Variants in ATP2B2 observed in about 807,000 individuals in gnomAD.
ATP2B2 encodes ATPase plasma membrane Ca2+ transporting 2.
Under a neutral mutation model 120.0 loss-of-function variants are expected in ATP2B2, and 15 were observed. The ratio of observed to expected loss-of-function variants is 0.12; its 90% CI spans 0.08 to 0.19. ATP2B2 has a LOEUF of 0.19. ATP2B2 is among the 10% of genes least tolerant of loss of function. ATP2B2 has a pLI of 1.00. For missense variants in ATP2B2, 1,045 were observed against 1,719.8 expected (o/e 0.61, Z 6.94); for synonymous variants, 694 against 700.3 (o/e 0.99, Z 0.14).
intron 1 of ATP2B2, among the ~76,000 whole-genome samples, chr3:10,650,786 G>A (rs1328197339): frequency 6.6e-6 from 1 of 152,224 alleles, no homozygotes; most frequent in African/African-American, 2.4e-5. Context: ...ACCTGGAAAA[G>A]CCACAGACAC....
At chr3:10,519,029 C>T (rs558146917) in intron 3 of ATP2B2, among the ~76,000 whole-genome samples, 59 of 152,386 alleles carry the variant, frequency 3.9e-4, no homozygotes, top group African/African-American at 1.3e-3. Context: ...TGTCTAAACA[C>T]TTGGCACATT....
intron 2 of ATP2B2, among the ~76,000 whole-genome samples, chr3:10,430,083 A>G (rs183007930): frequency 2.4e-4 from 37 of 152,374 alleles, no homozygotes; most frequent in African/African-American, 8.7e-4. Flanking sequence ...AAAGTGCCAC[A>G]GAAGTGATTC....
intron 1 of ATP2B2, among the ~76,000 whole-genome samples, chr3:10,679,319 T>A (rs1334409813): frequency 1.3e-5 from 2 of 152,216 alleles, no homozygotes; most frequent in African/African-American, 4.8e-5. Context: ...ATCACAGGAA[T>A]GTTTATGAGA....
intron 1 of ATP2B2, among the ~76,000 whole-genome samples, chr3:10,490,026 G>A (rs937093572): frequency 6.6e-6 from 1 of 152,216 alleles, no homozygotes; most frequent in Non-Finnish European, 1.5e-5. Context: ...CTGGTCCCCT[G>A]TTTTTCCAGC....
chr3:10,705,582 C>CA lies in ATP2B2; in HGVS notation c.-460+2332dup, dbSNP rs2071883546. 1.3e-5 allele frequency among the ~76,000 whole-genome samples: 2 copies of CA among 152,236 alleles called. 1 individual carries two copies. The highest frequency in any genetic ancestry group is 4.1e-4 in the South Asian group (2 of 4,832). The stretch of plus-strand genomic sequence containing the variant: ...GTGCAAGCACTTGGACTCTGGGTCT[C>CA]ACCCATTTCTAGGGAAGCATGGTAG... On this transcript the variant is annotated intron_variant, in intron 1 of 21. Coordinates refer to the ATP2B2 transcript ENST00000646379.
intron 2 of ATP2B2, among the ~76,000 whole-genome samples, chr3:10,617,187 C>G (rs2069413034): frequency 6.6e-6 from 1 of 152,130 alleles, no homozygotes; most frequent in Non-Finnish European, 1.5e-5. Context: ...GGGTTATTTC[C>G]TCAGGGCAAA....
chr3:10,560,110 G>C (rs888147636), intron 2 of ATP2B2, among the ~76,000 whole-genome samples: 7 of 152,348 alleles, frequency 4.6e-5, no homozygotes, highest in South Asian at 4.1e-4. Flanking sequence ...TTCACAAAAA[G>C]AAGTAGAAAC....
chr3:10,653,894 C>T (rs971261431), intron 1 of ATP2B2, among the ~76,000 whole-genome samples: 2 of 152,126 alleles, frequency 1.3e-5, no homozygotes, highest in Admixed American at 1.3e-4. Flanking sequence ...CCTCTCCTTT[C>T]TCTACTCAAC....
At chr3:10,469,492 G>A (rs922471879) in intron 1 of ATP2B2, among the ~76,000 whole-genome samples, 2 of 152,182 alleles carry the variant, frequency 1.3e-5, no homozygotes, top group South Asian at 2.1e-4. Flanking sequence ...TTTGTTAAGC[G>A]TGGCTCAGGG....
intron 1 of ATP2B2, among the ~76,000 whole-genome samples, chr3:10,452,692 G>A (rs568803941): frequency 1.3e-5 from 2 of 152,292 alleles, no homozygotes; most frequent in East Asian, 3.9e-4. Context: ...GATGCTGGGG[G>A]AAGGCTGAAC....
chr3:10,683,586 T>C (rs1354872516), intron 1 of ATP2B2, among the ~76,000 whole-genome samples: 1 of 151,786 alleles, frequency 6.6e-6, no homozygotes, highest in Non-Finnish European at 1.5e-5. Flanking sequence ...AAACTATCAC[T>C]GCCAGCACCA....
chr3:10,669,336 C>G (rs918814129), intron 1 of ATP2B2, among the ~76,000 whole-genome samples: 1 of 152,130 alleles, frequency 6.6e-6, no homozygotes, highest in African/African-American at 2.4e-5. Context: ...CCGCCCAACA[C>G]AGTCTCCTGG....
At chr3:10,585,277 C>T (rs1170229340) in intron 2 of ATP2B2, among the ~76,000 whole-genome samples, 3 of 151,862 alleles carry the variant, frequency 2.0e-5, no homozygotes, top group Admixed American at 6.6e-5. Flanking sequence ...TGGAGGATCA[C>T]GAGGTCAGGA....
In ATP2B2 at chr3:10,338,369, C is replaced by A; in HGVS notation, c.3238-11G>T. On this transcript the variant is annotated splice_polypyrimidine_tract_variant and intron_variant, in intron 21 of 22. Transcript: ENST00000360273. Reference sequence around the variant, plus strand: ...GATGGTGGCGATGACCTGCAAGGGACCCTGTCTGTCAGGACGGTGGGGCTG... The same window carrying A: ...GATGGTGGCGATGACCTGCAAGGGAACCTGTCTGTCAGGACGGTGGGGCTG... 1.2e-6 allele frequency: 2 copies of A among 1,614,122 alleles called. No individual in the cohort carries two copies. Among genetic ancestry groups the A allele is most frequent in the South Asian group, 2.2e-5 (2 of 91,078 alleles).
At chr3:10,518,686 C>T (rs1403278010) in intron 3 of ATP2B2, among the ~76,000 whole-genome samples, 8 of 152,244 alleles carry the variant, frequency 5.3e-5, no homozygotes, top group Non-Finnish European at 2.9e-5. Context: ...CCTCGCCTCG[C>T]GTATTTATAG....
At chr3:10,496,017 T>C (rs1217286391) in intron 1 of ATP2B2, among the ~76,000 whole-genome samples, 2 of 152,220 alleles carry the variant, frequency 1.3e-5, no homozygotes, top group African/African-American at 2.4e-5. Flanking sequence ...ACTTAGCTAA[T>C]ACTGGTTTTA....
intron 2 of ATP2B2, among the ~76,000 whole-genome samples, chr3:10,597,581 C>T (rs918773324): frequency 6.6e-6 from 1 of 152,178 alleles, no homozygotes; most frequent in Non-Finnish European, 1.5e-5. Flanking sequence ...CAAGTGCCCC[C>T]TCACCCCTAT....
At chr3:10,566,255 G>A (rs1046093547) in intron 2 of ATP2B2, 1 of 152,230 alleles carries the variant, frequency 6.6e-6, no homozygotes, top group Admixed American at 6.5e-5. Context: ...GAGACCCGGG[G>A]TAAGAGCTGA....
chr3:10,559,908 C>T (rs1559458726), intron 2 of ATP2B2, among the ~76,000 whole-genome samples: 1 of 152,176 alleles, frequency 6.6e-6, no homozygotes, highest in Non-Finnish European at 1.5e-5. Context: ...GCTAGCTGAA[C>T]ACTCTTTCAA....
Sources: allele counts gnomAD v4.1 joint callset (sites outside exome capture counted in the v4.1 genomes callset), GRCh38; gene constraint gnomAD v4.1.1; transcripts MANE v1.5; gene names NCBI Gene and HGNC (gene_info 2026-07-23, HGNC 2026-07-21).